Variants in SGCD observed in about 807,000 individuals in gnomAD.
The protein encoded by SGCD is sarcoglycan delta, also known as delta-sarcoglycan.
In SGCD, 18 loss-of-function variants were observed where a neutral mutation model predicts 36.6. The observed-to-expected ratio is 0.49, with a 90% CI of 0.34 to 0.73. SGCD has a LOEUF of 0.73. Ranked by LOEUF, SGCD falls within the 30% of genes least tolerant of loss-of-function variation. SGCD has a pLI of 0.01. For missense variants in SGCD, 387 were observed against 346.7 expected, an observed-to-expected ratio of 1.12 and a Z score of -0.92; for synonymous variants, 133 against 130.6, an observed-to-expected ratio of 1.02 and a Z score of -0.12.
chr5:155,738,721 A>G, the SGCD span, among the ~76,000 whole-genome samples: 2 of 147,588 alleles, frequency 1.4e-5, no homozygotes, highest in Non-Finnish European at 3.0e-5. Context: ...AGTGTGAGAG[A>G]GTGTGTGTGA....
intron 7 of SGCD, among the ~76,000 whole-genome samples, chr5:156,700,418 C>T (rs1477944818): frequency 6.6e-6 from 1 of 152,166 alleles, no homozygotes; most frequent in Non-Finnish European, 1.5e-5. Context: ...AGCTTCCATA[C>T]ATTCCAACCA....
chr5:156,589,300 C>A lies in SGCD; in HGVS notation c.364C>A (p.Leu122Ile). The part of the protein sequence containing the change: ...VNILNDQTKV[L>I]TQLITGPKAV... Reference sequence around the variant, plus strand: ...CATTCTCAATGACCAGACTAAAGTGCTAACTCAGCTTATAACAGGTAAGAA... The same window carrying A: ...CATTCTCAATGACCAGACTAAAGTGATAACTCAGCTTATAACAGGTAAGAA... Residue 122 changes from leucine to isoleucine, a missense_variant, in exon 5 of 9, where the codon CTA (leucine) becomes ATA (isoleucine). By Grantham distance (5) the Leu-to-Ile change is conservative. Transcript: ENST00000337851. 6.4e-7 allele frequency: 1 copy of A among 1,568,676 alleles called. No homozygotes were observed. The highest frequency in any genetic ancestry group is 8.7e-7 in the Non-Finnish European group (1 of 1,154,288).
chr5:156,158,645 G>A (rs1763018791), intron 3 of SGCD, among the ~76,000 whole-genome samples: 1 of 151,634 alleles, frequency 6.6e-6, no homozygotes, highest in Non-Finnish European at 1.5e-5. Flanking sequence ...TTACGGACAA[G>A]CCTTCCGGGG....
intron 3 of SGCD, among the ~76,000 whole-genome samples, chr5:156,466,447 A>G (rs995218796): frequency 6.6e-6 from 1 of 152,202 alleles, no homozygotes; most frequent in African/African-American, 2.4e-5. Flanking sequence ...TCTTAATGAA[A>G]AAGTTTTTCT....
At chr5:156,567,382 ATAGATAGATAG>A (rs1561783509) in intron 4 of SGCD, among the ~76,000 whole-genome samples, 8 of 37,074 alleles carry the variant, frequency 2.2e-4, no homozygotes, top group Admixed American at 7.7e-4. Context: ...AGATAAATAG[ATAGATAGATAG>A]ATAGATAGAT....
At chr5:155,796,806 C>CAAAAAAAAAAAA in the SGCD span, among the ~76,000 whole-genome samples, 72 of 51,318 alleles carry the variant, frequency 1.4e-3, 2 homozygotes, top group South Asian at 3.1e-3. Context: ...AACTCCATCT[C>CAAAAAAAAAAAA]AAAAAAAAAA....
At chr5:155,911,109 T>C (rs1351448671) in intron 1 of SGCD, among the ~76,000 whole-genome samples, 1 of 152,086 alleles carries the variant, frequency 6.6e-6, no homozygotes, top group Non-Finnish European at 1.5e-5. Flanking sequence ...AGGCCATGGC[T>C]CCATATCAAT....
At chr5:156,329,389 C>T in intron 1 of SGCD, 145 bp from the exon 2 acceptor site, 1 of 624,224 alleles carries the variant, frequency 1.6e-6, no homozygotes, top group East Asian at 2.7e-5. Flanking sequence ...CCACAGGAGA[C>T]TGCATGGTCA....
intron 3 of SGCD, among the ~76,000 whole-genome samples, chr5:156,243,627 T>C (rs541823758): frequency 1.3e-5 from 2 of 152,334 alleles, no homozygotes; most frequent in African/African-American, 2.4e-5. Flanking sequence ...TCCAATAGCA[T>C]GTAACACATG....
At chr5:156,679,980 C>T (rs1053816391) in intron 7 of SGCD, among the ~76,000 whole-genome samples, 2 of 152,130 alleles carry the variant, frequency 1.3e-5, no homozygotes, top group African/African-American at 4.8e-5. Context: ...CTGGGGCAAG[C>T]AATCAGAATT....
chr5:156,084,001 G>A (rs996164133), intron 1 of SGCD, among the ~76,000 whole-genome samples: 1 of 152,040 alleles, frequency 6.6e-6, no homozygotes, highest in African/African-American at 2.4e-5. Flanking sequence ...TGATTACTTA[G>A]CCATACAGTA....
intron 3 of SGCD, among the ~76,000 whole-genome samples, chr5:156,483,011 T>G (rs561004862): frequency 6.6e-6 from 1 of 152,008 alleles, no homozygotes; most frequent in South Asian, 2.1e-4. Context: ...GTTCCCCCAC[T>G]CCCCCTTGTG....
intron 4 of SGCD, among the ~76,000 whole-genome samples, chr5:156,526,820 T>G (rs1757660960): frequency 1.3e-5 from 2 of 152,198 alleles, no homozygotes; most frequent in African/African-American, 4.8e-5. Context: ...AAAACAGAGA[T>G]ACGTATTCAA....
chr5:156,558,229 T>C (rs1759121669), intron 4 of SGCD, among the ~76,000 whole-genome samples: 1 of 151,044 alleles, frequency 6.6e-6, no homozygotes, highest in Non-Finnish European at 1.5e-5. Flanking sequence ...TAGCTCTGAG[T>C]CTTTGGCCAA....
intron 1 of SGCD, among the ~76,000 whole-genome samples, chr5:155,963,277 C>T (rs1444695670): frequency 1.3e-5 from 2 of 152,112 alleles, no homozygotes; most frequent in Non-Finnish European, 2.9e-5. Flanking sequence ...CACACACTGG[C>T]AGCATATCTG....
chr5:156,426,008 C>G (rs909773360), intron 3 of SGCD, among the ~76,000 whole-genome samples: 9 of 152,064 alleles, frequency 5.9e-5, no homozygotes, highest in Non-Finnish European at 1.0e-4. Context: ...GTGAATTACG[C>G]TGCTAGAAAC....
chr5:156,643,346 T>C (rs1283672640), intron 6 of SGCD, among the ~76,000 whole-genome samples: 2 of 152,236 alleles, frequency 1.3e-5, no homozygotes, highest in African/African-American at 4.8e-5. Context: ...ACTAGTTGTT[T>C]AAACCAATTA....
chr5:156,754,789 C>T (rs780278923), intron 7 of SGCD, among the ~76,000 whole-genome samples: 1 of 152,144 alleles, frequency 6.6e-6, no homozygotes, highest in Non-Finnish European at 1.5e-5. Flanking sequence ...AGCAGTGTCA[C>T]CACCTAGTAA....
intron 1 of SGCD, among the ~76,000 whole-genome samples, chr5:156,033,499 C>T (rs940283958): frequency 1.3e-5 from 2 of 152,104 alleles, no homozygotes; most frequent in African/African-American, 4.8e-5. Flanking sequence ...ATTTGACTTT[C>T]TGTTTCTGAG....
Sources: gnomAD v4.1 joint callset for allele counts (sites outside exome capture counted in the v4.1 genomes callset) on GRCh38, gnomAD v4.1.1 for gene constraint, MANE v1.5 for transcripts, NCBI Gene and HGNC (gene_info 2026-07-23, HGNC 2026-07-21) for gene names.